Variants in TFDP2 observed in about 807,000 individuals in gnomAD.
TFDP2 encodes the protein transcription factor Dp-2, also known as transcription factor Dp-2 (E2F dimerization partner 2).
In TFDP2, 17 loss-of-function variants were observed where a neutral mutation model predicts 59.3. The ratio of observed to expected loss-of-function variants is 0.29; its 90% CI spans 0.20 to 0.43. The LOEUF (loss-of-function observed/expected upper bound fraction) is 0.43, where lower values mean the gene tolerates loss of function less well. Among genes scored for constraint, TFDP2 ranks in the 20% least tolerant of loss-of-function variants. TFDP2 has a pLI of 1.00. For synonymous variants in TFDP2, 180 were observed against 194.7 expected (o/e 0.92, Z 0.63); for missense variants, 391 against 528.8 (o/e 0.74, Z 2.56).
At chr3:141,977,739 C>G (rs1462799189) in intron 7 of TFDP2, among the ~76,000 whole-genome samples, 1 of 151,630 alleles carries the variant, frequency 6.6e-6, no homozygotes, top group Non-Finnish European at 1.5e-5. Flanking sequence ...GAGACGGAGT[C>G]TCACTCTGTC....
At chr3:142,148,982 T>A (rs928643285) in intron 1 of TFDP2, among the ~76,000 whole-genome samples, 2 of 152,114 alleles carry the variant, frequency 1.3e-5, no homozygotes, top group Non-Finnish European at 2.9e-5. Flanking sequence ...ACTAAGAGGG[T>A]GACCCTCCTC....
At chr3:142,033,134 G>A (rs1946518541) in intron 3 of TFDP2, among the ~76,000 whole-genome samples, 2 of 152,192 alleles carry the variant, frequency 1.3e-5, no homozygotes, top group Non-Finnish European at 2.9e-5. Flanking sequence ...GGCAGAGGTT[G>A]CAGTGAGCCG....
At chr3:142,040,887 G>C (rs899091115) in intron 3 of TFDP2, among the ~76,000 whole-genome samples, 8 of 152,058 alleles carry the variant, frequency 5.3e-5, no homozygotes, top group African/African-American at 2.4e-5. Flanking sequence ...CTGGATGACA[G>C]AGCAAGACCT....
rs532742549 is a variant in TFDP2 at position 142,105,010 on chromosome 3, T to TA, written c.-92-3170dup. On this transcript the variant is annotated intron_variant, in intron 1 of 12. Coordinates refer to ENST00000489671, the MANE Select transcript of TFDP2 (RefSeq NM_001178139.2). Reference sequence around the variant, plus strand: ...ATCCTGAACAAGTAACCTAACCTCTTAGAGCCTCCATGTCTTCATCTGAAA... The same window carrying TA: ...ATCCTGAACAAGTAACCTAACCTCTTAAGAGCCTCCATGTCTTCATCTGAAA... Among the ~76,000 whole-genome samples, 55 of 152,226 alleles carry TA rather than the reference T, an allele frequency of 3.6e-4. 1 individual carries two copies. In the East Asian group the frequency reaches 0.01, roughly 28 times the overall value.
intron 6 of TFDP2, among the ~76,000 whole-genome samples, chr3:141,984,104 A>G (rs1208416132): frequency 1.3e-5 from 2 of 152,250 alleles, no homozygotes; most frequent in Admixed American, 6.5e-5. Flanking sequence ...TGTGGTATAT[A>G]CATATAATGA....
Position 141,968,365 on chromosome 3 carries a change from C to CAT in TFDP2, c.732+1706_732+1707dup, listed in dbSNP as rs1223038281. Among the ~76,000 whole-genome samples the CAT allele has an allele frequency of 5.8e-5, 5 of 86,616 alleles. No individual in the cohort carries two copies. In the South Asian group the frequency reaches 1.2e-3, roughly 21 times the overall value. The allele number at this position is 86,616 out of a possible 152,430, so 56.8% of individuals were successfully genotyped here. A position where few individuals can be genotyped will look rare whatever the true frequency, so the allele number is the denominator to read the frequency against. On this transcript the variant is annotated intron_variant, in intron 9 of 12. Transcript: ENST00000489671. Reference sequence around the variant, plus strand: ...ATATAACTATATATAACATATATCTCATATATAACATATATCTCATATATA... The same window carrying CAT: ...ATATAACTATATATAACATATATCTCATATATATAACATATATCTCATATATA...
intron 6 of TFDP2, among the ~76,000 whole-genome samples, chr3:141,981,104 T>C (rs1941441799): frequency 1.3e-5 from 2 of 152,242 alleles, no homozygotes; most frequent in East Asian, 1.9e-4. Context: ...GCTCCATTCA[T>C]GAAAAGTGCA....
chr3:141,959,872 GTGGTGC>G (rs1266402265), intron 10 of TFDP2, 32 bp from the exon 11 acceptor site: 1 of 1,611,872 alleles, frequency 6.2e-7, no homozygotes, highest in South Asian at 1.1e-5. Flanking sequence ...AGGGTTTTTG[GTGGTGC>G]TGGAGAGGTC....
At chr3:141,955,212 A>G (rs531115917) in intron 11 of TFDP2, among the ~76,000 whole-genome samples, 2 of 152,234 alleles carry the variant, frequency 1.3e-5, no homozygotes, top group Admixed American at 1.3e-4. Flanking sequence ...CTATTATCAC[A>G]GGATCCACAC....
At chr3:142,118,969 G>A (rs561774441) in intron 1 of TFDP2, among the ~76,000 whole-genome samples, 1 of 152,246 alleles carries the variant, frequency 6.6e-6, no homozygotes, top group African/African-American at 2.4e-5. Flanking sequence ...GACACCAGCT[G>A]ACCAACATGG....
chr3:142,123,020 C>T (rs1405661517), intron 1 of TFDP2, among the ~76,000 whole-genome samples: 1 of 151,520 alleles, frequency 6.6e-6, no homozygotes, highest in African/African-American at 2.4e-5. Flanking sequence ...TGCAGTGGCG[C>T]GATCTCGGCT....
intron 1 of TFDP2, among the ~76,000 whole-genome samples, chr3:142,118,473 A>C (rs535110739): frequency 6.6e-6 from 1 of 152,348 alleles, no homozygotes; most frequent in African/African-American, 2.4e-5. Flanking sequence ...GGATATGAAG[A>C]AGACCTTGAA....
intron 3 of TFDP2, among the ~76,000 whole-genome samples, chr3:142,031,425 G>A (rs527342611): frequency 6.6e-5 from 10 of 152,196 alleles, no homozygotes; most frequent in African/African-American, 2.4e-4. Context: ...CCTTTCCAGA[G>A]CCTTTTCTCT....
At chr3:142,142,816 A>G (rs182379565) in intron 1 of TFDP2, among the ~76,000 whole-genome samples, 22 of 152,336 alleles carry the variant, frequency 1.4e-4, no homozygotes, top group Non-Finnish European at 2.8e-4. Context: ...CAGTTAACTC[A>G]TTTTCCACAA....
chr3:142,106,035 T>A (rs2061460339), intron 1 of TFDP2, among the ~76,000 whole-genome samples: 1 of 151,970 alleles, frequency 6.6e-6, no homozygotes, highest in Middle Eastern at 3.4e-3. Context: ...AAATAATACA[T>A]AATTCCCACA....
At chr3:142,093,208 T>G (rs1576963420) in intron 2 of TFDP2, 81 bp from the exon 3 acceptor site, 1 of 852,898 alleles carries the variant, frequency 1.2e-6, no homozygotes, top group East Asian at 2.8e-5. Flanking sequence ...ATATCTTCCA[T>G]CAGACATCCA....
chr3:141,981,209 C>T (rs1223976641), intron 6 of TFDP2, among the ~76,000 whole-genome samples: 1 of 152,146 alleles, frequency 6.6e-6, no homozygotes, highest in Admixed American at 6.6e-5. Flanking sequence ...AAATACTTAT[C>T]ACTGTGTTAC....
At chr3:142,011,879 T>A (rs370671193) in intron 3 of TFDP2, among the ~76,000 whole-genome samples, 3 of 152,182 alleles carry the variant, frequency 2.0e-5, no homozygotes, top group South Asian at 4.1e-4. Flanking sequence ...GTGAAGGGAA[T>A]ACTGTAGAGC....
chr3:142,012,512 T>C (rs1416929918), intron 3 of TFDP2, among the ~76,000 whole-genome samples: 10 of 152,096 alleles, frequency 6.6e-5, no homozygotes, highest in Admixed American at 5.9e-4. Flanking sequence ...TGGAGCATTG[T>C]GGAGAAAAGC....
Sources: allele counts gnomAD v4.1 joint callset (sites outside exome capture counted in the v4.1 genomes callset), GRCh38; gene constraint gnomAD v4.1.1; transcripts MANE v1.5; gene names NCBI Gene and HGNC (gene_info 2026-07-23, HGNC 2026-07-21).